Variants in KCNAB1 observed in about 807,000 individuals in gnomAD.
KCNAB1 encodes the protein potassium voltage-gated channel subfamily A regulatory beta subunit 1, also known as voltage-gated potassium channel subunit beta-1.
KCNAB1 carries 35 observed loss-of-function variants against 64.6 expected under a neutral mutation model. That is an observed-to-expected ratio of 0.54 (90% CI 0.41 to 0.72). The LOEUF is 0.72. Among genes scored for constraint, KCNAB1 ranks in the 30% least tolerant of loss-of-function variants. The pLI, the probability that KCNAB1 is intolerant of heterozygous loss-of-function variation, is 0.00. For missense variants in KCNAB1, 401 were observed against 512.9 expected (o/e 0.78, Z 2.11); for synonymous variants, 177 against 183.8 (o/e 0.96, Z 0.30).
chr3:156,425,241 A>G (rs1345185892), intron 2 of KCNAB1, among the ~76,000 whole-genome samples: 1 of 152,178 alleles, frequency 6.6e-6, no homozygotes, highest in Non-Finnish European at 1.5e-5. Flanking sequence ...TTCTTGAAAT[A>G]CTCTAAAAGT....
intron 1 of KCNAB1, among the ~76,000 whole-genome samples, chr3:156,320,996 C>T (rs1346415131): frequency 6.6e-6 from 1 of 151,624 alleles, no homozygotes; most frequent in Non-Finnish European, 1.5e-5. Context: ...GCACCAGGGT[C>T]ACACTTACAA....
At chr3:156,120,489 G>A (rs554119269), upstream of KCNAB1, 305 of 1,110,038 alleles carry the variant, frequency 2.7e-4, no homozygotes, top group African/African-American at 4.3e-3. Flanking sequence ...TTACAGCTTT[G>A]TGGCAGGATA....
At chr3:156,244,945 C>T (rs940268942) in intron 1 of KCNAB1, among the ~76,000 whole-genome samples, 1 of 152,190 alleles carries the variant, frequency 6.6e-6, no homozygotes, top group Non-Finnish European at 1.5e-5. Flanking sequence ...TAGAGAGCAT[C>T]GCTCCAACCT....
intron 1 of KCNAB1, among the ~76,000 whole-genome samples, chr3:156,253,283 T>C (rs950840481): frequency 2.6e-5 from 4 of 152,192 alleles, no homozygotes; most frequent in African/African-American, 4.8e-5. Flanking sequence ...TGGAAGTACT[T>C]CCTCTCAAGA....
intron 1 of KCNAB1, among the ~76,000 whole-genome samples, chr3:156,226,568 A>G (rs1432072337): frequency 1.3e-5 from 2 of 152,192 alleles, no homozygotes; most frequent in Non-Finnish European, 2.9e-5. Context: ...ATGGGACTTA[A>G]TTAAACTAAA....
intron 1 of KCNAB1, among the ~76,000 whole-genome samples, chr3:156,123,400 A>C (rs1713464145): frequency 6.6e-6 from 1 of 152,212 alleles, no homozygotes. Context: ...TTCCTGAGGA[A>C]TTTGAGGATT....
chr3:156,282,389 T>G (rs1366995631), intron 1 of KCNAB1, among the ~76,000 whole-genome samples: 3 of 140,980 alleles, frequency 2.1e-5, no homozygotes, highest in East Asian at 4.3e-4. Flanking sequence ...CTTCCAAGTA[T>G]GTGGTCAATT....
intron 1 of KCNAB1, among the ~76,000 whole-genome samples, chr3:156,322,773 A>G (rs1335208216): frequency 6.6e-6 from 1 of 152,188 alleles, no homozygotes; most frequent in Non-Finnish European, 1.5e-5. Flanking sequence ...CTGGTTTCCA[A>G]GGGATTCCCT....
intron 1 of KCNAB1, among the ~76,000 whole-genome samples, chr3:156,158,589 C>T (rs1014240503): frequency 1.3e-5 from 2 of 152,150 alleles, no homozygotes; most frequent in African/African-American, 2.4e-5. Context: ...ATAAAGGAAA[C>T]TTACTGGCTC....
At chr3:156,374,048 C>G (rs991375999) in intron 1 of KCNAB1, among the ~76,000 whole-genome samples, 2 of 152,194 alleles carry the variant, frequency 1.3e-5, no homozygotes, top group Non-Finnish European at 2.9e-5. Flanking sequence ...TCTCTCTATA[C>G]CTCAGTTTCT....
chr3:156,351,143 T>C (rs554323134), intron 1 of KCNAB1, among the ~76,000 whole-genome samples: 235 of 152,378 alleles, frequency 1.5e-3, no homozygotes, highest in Non-Finnish European at 2.7e-3. Flanking sequence ...GCTGACTTTT[T>C]CAAGTAATCT....
intron 8 of KCNAB1, among the ~76,000 whole-genome samples, chr3:156,499,835 C>G (rs1019498733): frequency 2.0e-5 from 3 of 152,108 alleles, no homozygotes; most frequent in Non-Finnish European, 4.4e-5. Context: ...AGAGTCCATG[C>G]CCTCTCTGTC....
At chr3:156,357,516 G>C (rs1210559669) in intron 1 of KCNAB1, among the ~76,000 whole-genome samples, 2 of 152,120 alleles carry the variant, frequency 1.3e-5, no homozygotes, top group Non-Finnish European at 1.5e-5. Flanking sequence ...AAAGCCACCA[G>C]AGCCTATCTA....
chr3:156,471,184 A>G (rs912116417), intron 7 of KCNAB1, among the ~76,000 whole-genome samples: 1 of 152,206 alleles, frequency 6.6e-6, no homozygotes, highest in African/African-American at 2.4e-5. Context: ...CACACAGTCA[A>G]ACCTGCAACA....
At chr3:156,404,638 G>A (rs1714127776) in intron 1 of KCNAB1, among the ~76,000 whole-genome samples, 1 of 152,182 alleles carries the variant, frequency 6.6e-6, no homozygotes, top group Admixed American at 6.5e-5. Context: ...TATACACGAA[G>A]ACACCAGGGC....
intron 1 of KCNAB1, among the ~76,000 whole-genome samples, chr3:156,357,159 G>GCGCGCACACA (rs545909634): frequency 6.8e-6 from 1 of 147,314 alleles, no homozygotes; most frequent in African/African-American, 2.5e-5. Flanking sequence ...ACATGTGCGC[G>GCGCGCACACA]CACACACACA....
chr3:156,353,523 C>T (rs1245987738), intron 1 of KCNAB1, among the ~76,000 whole-genome samples: 1 of 152,214 alleles, frequency 6.6e-6, no homozygotes, highest in Admixed American at 6.5e-5. Context: ...AGTTTCTGGG[C>T]ACCAGGAATC....
chr3:156,518,169 ATATTTC>A (rs1717682777), intron 11 of KCNAB1, among the ~76,000 whole-genome samples: 1 of 152,216 alleles, frequency 6.6e-6, no homozygotes, highest in Non-Finnish European at 1.5e-5. Flanking sequence ...AGCTTGGGAA[ATATTTC>A]TATTGGTGAC....
rs1717012416 is a variant in KCNAB1, at chr3:156,509,080, G to A, written c.659-5284G>A. Among the ~76,000 whole-genome samples, 7 of 151,906 alleles carry A rather than the reference G, an allele frequency of 4.6e-5. No homozygotes were observed. The South Asian group carries it at 1.5e-3, about 32-fold the overall frequency. ...ATTCATGGTGGTGGAGTGGGGCGGA[G>A]GGGAAAGAGGGAGAGGAAGAGAGAG... On this transcript the variant is annotated intron_variant, in intron 8 of 13. Transcript: ENST00000490337.
Sources: allele counts gnomAD v4.1 joint callset (sites outside exome capture counted in the v4.1 genomes callset), GRCh38; gene constraint gnomAD v4.1.1; transcripts MANE v1.5; gene names NCBI Gene and HGNC (gene_info 2026-07-23, HGNC 2026-07-21).